MDFIC2: variants seen among roughly 807,000 people sequenced by gnomAD.
The protein encoded by MDFIC2 is MyoD family inhibitor domain containing 2.
At chr3:70,291,006 A>T (rs1442334172) in intron 2 of MDFIC2, among the ~76,000 whole-genome samples, 1 of 152,158 alleles carries the variant, frequency 6.6e-6, no homozygotes, top group Non-Finnish European at 1.5e-5. Flanking sequence ...GGAAATGCAG[A>T]AATCACCGGT....
At chr3:70,309,826 G>A (rs1349236675) in intron 2 of MDFIC2, among the ~76,000 whole-genome samples, 1 of 152,110 alleles carries the variant, frequency 6.6e-6, no homozygotes, top group Non-Finnish European at 1.5e-5. Context: ...GTCCAAATGA[G>A]ATAAAACAGG....
intron 2 of MDFIC2, among the ~76,000 whole-genome samples, chr3:70,226,810 A>G (rs1369739862): frequency 2.0e-5 from 3 of 152,110 alleles, no homozygotes; most frequent in African/African-American, 7.2e-5. Flanking sequence ...AAGAGAAGAC[A>G]AAGTTTGTAG....
chr3:70,288,970 G>A (rs1464366028), intron 2 of MDFIC2, among the ~76,000 whole-genome samples: 2 of 152,014 alleles, frequency 1.3e-5, no homozygotes, highest in Non-Finnish European at 2.9e-5. Flanking sequence ...CGTGAGATGG[G>A]TTTCCTGAAT....
At chr3:70,251,046 T>TTCA (rs1701761615) in intron 2 of MDFIC2, among the ~76,000 whole-genome samples, 2 of 152,200 alleles carry the variant, frequency 1.3e-5, no homozygotes, top group Non-Finnish European at 2.9e-5. Context: ...ACTTAGAGAA[T>TTCA]ATGCTGTACA....
chr3:70,217,068 T>TTATTTGTTTACTTGCTTATGGTGTACATG (rs1305249167), intron 2 of MDFIC2, among the ~76,000 whole-genome samples: 2 of 152,158 alleles, frequency 1.3e-5, no homozygotes, highest in African/African-American at 2.4e-5. Context: ...TAAAAATATT[T>TTATTTGTTTACTTGCTTATGGTGTACATG]TATTTGTTTA....
intron 2 of MDFIC2, among the ~76,000 whole-genome samples, chr3:70,290,830 C>T (rs1040587432): frequency 5.9e-5 from 9 of 152,156 alleles, no homozygotes; most frequent in Non-Finnish European, 7.3e-5. Context: ...TTTCCAGGTG[C>T]GGTCCTCACC....
At chr3:70,254,111 T>A (rs1701793409) in intron 2 of MDFIC2, among the ~76,000 whole-genome samples, 1 of 149,112 alleles carries the variant, frequency 6.7e-6, no homozygotes, top group South Asian at 2.2e-4. Flanking sequence ...GCATTAAAAT[T>A]TTTTGGTAAT....
intron 3 of MDFIC2, among the ~76,000 whole-genome samples, chr3:70,200,138 T>A (rs1164784750): frequency 6.6e-6 from 1 of 152,154 alleles, no homozygotes; most frequent in Non-Finnish European, 1.5e-5. Flanking sequence ...CACAAGCTGC[T>A]CACCACCTGC....
chr3:70,235,707 G>A (rs1451005224), intron 2 of MDFIC2, among the ~76,000 whole-genome samples: 3 of 152,158 alleles, frequency 2.0e-5, no homozygotes, highest in Non-Finnish European at 4.4e-5. Flanking sequence ...TCTGGTGGCA[G>A]ACAAAGTTGG....
intron 2 of MDFIC2, among the ~76,000 whole-genome samples, chr3:70,301,061 A>G (rs187471287): frequency 6.6e-6 from 1 of 152,222 alleles, no homozygotes; most frequent in African/African-American, 2.4e-5. Flanking sequence ...TTCCTCATTT[A>G]AAAAAGACGA....
rs111704100 is a variant in MDFIC2, at chr3:70,296,402, C to T, written c.88+15484G>A. Among the ~76,000 whole-genome samples, 25 of 152,200 alleles carry T rather than the reference C, an allele frequency of 1.6e-4. 1 individual carries two copies. The highest frequency in any genetic ancestry group is 5.5e-4 in the African/African-American group (23 of 41,548). ...GTTCCAGAGCCTACCAGAAAATGGA[C>T]CTAATTTTAGATAACCAAAATTCAA... is the stretch of plus-strand genomic sequence containing the variant. On this transcript the variant is annotated intron_variant, in intron 2 of 3. Transcript: ENST00000567252.
At chr3:70,286,864 T>C (rs1702170298) in intron 2 of MDFIC2, among the ~76,000 whole-genome samples, 1 of 152,116 alleles carries the variant, frequency 6.6e-6, no homozygotes, top group South Asian at 2.1e-4. Flanking sequence ...TGTTTGTCTG[T>C]TGTTGGTGTA....
chr3:70,237,419 T>C (rs529747587), intron 2 of MDFIC2, among the ~76,000 whole-genome samples: 7 of 152,366 alleles, frequency 4.6e-5, no homozygotes, highest in Admixed American at 2.0e-4. Flanking sequence ...TATCTTGACC[T>C]CTTTGTGCAT....
intron 2 of MDFIC2, among the ~76,000 whole-genome samples, chr3:70,214,636 G>A (rs1701387398): frequency 6.7e-6 from 1 of 148,906 alleles, no homozygotes; most frequent in Admixed American, 6.7e-5. Flanking sequence ...AACTATTCTG[G>A]ATAATTACTT....
In MDFIC2 at chr3:70,231,471, G is replaced by C. The variant is rs184969049; in HGVS notation, c.89-24681C>G. Among the ~76,000 whole-genome samples the C allele has an allele frequency of 7.4e-3, 1,133 of 152,316 alleles. 9 individuals are homozygous for C. The highest frequency in any genetic ancestry group is 0.012 in the Non-Finnish European group (794 of 68,030). On this transcript the variant is annotated intron_variant, in intron 2 of 3. Transcript: ENST00000567252. The stretch of plus-strand genomic sequence containing the variant: ...CTCTAAAAGAGCTCCCTTCTAAATT[G>C]CATCACACGTGCCGCGTACTCTTCA...
intron 2 of MDFIC2, among the ~76,000 whole-genome samples, chr3:70,232,926 C>G (rs879317307): frequency 1.3e-5 from 2 of 152,082 alleles, no homozygotes; most frequent in Non-Finnish European, 2.9e-5. Flanking sequence ...TGGGGGTTCA[C>G]ACCGGTAATC....
chr3:70,305,227 T>C (rs1702388000), intron 2 of MDFIC2, among the ~76,000 whole-genome samples: 1 of 152,208 alleles, frequency 6.6e-6, no homozygotes, highest in Admixed American at 6.5e-5. Context: ...CATCTTTTTT[T>C]TTCCGTCGGC....
At chr3:70,306,834 A>T (rs933719464) in intron 2 of MDFIC2, among the ~76,000 whole-genome samples, 1 of 152,160 alleles carries the variant, frequency 6.6e-6, no homozygotes, top group South Asian at 2.1e-4. Flanking sequence ...CAATACTCTT[A>T]GCTTCACATT....
At chr3:70,296,950 T>A (rs1482516992) in intron 2 of MDFIC2, among the ~76,000 whole-genome samples, 1 of 152,050 alleles carries the variant, frequency 6.6e-6, no homozygotes, top group East Asian at 1.9e-4. Flanking sequence ...CTCTCTGGTC[T>A]AGTTTATTGT....
Sources: allele counts gnomAD v4.1 joint callset (sites outside exome capture counted in the v4.1 genomes callset), GRCh38; gene constraint gnomAD v4.1.1; transcripts MANE v1.5; gene names NCBI Gene and HGNC (gene_info 2026-07-23, HGNC 2026-07-21).